The following TYW1B variants were observed in gnomAD, a reference collection of about 807,000 sequenced individuals.
TYW1B encodes tRNA-yW synthesizing protein 1 homolog B.
TYW1B carries 73 observed loss-of-function variants against 86.9 expected under a neutral mutation model. The ratio of observed to expected loss-of-function variants is 0.84; its 90% CI spans 0.70 to 1.02. The LOEUF (loss-of-function observed/expected upper bound fraction) is 1.02, where lower values mean the gene tolerates loss of function less well. Among genes scored for constraint, TYW1B ranks in the 50% least tolerant of loss-of-function variants. The probability of loss-of-function intolerance (pLI) is 0.00; values close to 1 mark genes in which losing one functional copy is unlikely to be tolerated. For synonymous variants in TYW1B, 248 were observed against 292.8 expected, an observed-to-expected ratio of 0.85 and a Z score of 1.56; for missense variants, 637 against 827.4, an observed-to-expected ratio of 0.77 and a Z score of 2.82.
rs1554467165 is a variant in TYW1B at position 72,761,497 on chromosome 7, A to G, written c.964+15919T>C. ...TGGCTCATACGAGGGAGGCTGAGGT[A>G]GAAGGATCACTTGAGGCCAGGAGTT... On this transcript the variant is annotated intron_variant, in intron 7 of 13. Coordinates refer to ENST00000620995, the MANE Select transcript of TYW1B (RefSeq NM_001145440.3). 2.0e-5 allele frequency among the ~76,000 whole-genome samples: 3 copies of G among 152,042 alleles called. No homozygotes were observed. The East Asian group carries it at 5.8e-4, about 29-fold the overall frequency.
intron 10 of TYW1B, among the ~76,000 whole-genome samples, chr7:72,698,662 A>G (rs1270040333): frequency 6.6e-6 from 1 of 150,520 alleles, no homozygotes; most frequent in African/African-American, 2.4e-5. Flanking sequence ...AAAAAAAAAG[A>G]AAGAAAGAAA....
intron 7 of TYW1B, among the ~76,000 whole-genome samples, chr7:72,759,150 G>A (rs141878234): frequency 6.6e-6 from 1 of 152,230 alleles, no homozygotes; most frequent in Non-Finnish European, 1.5e-5. Context: ...GAGCAACATG[G>A]CGAAACCTCG....
intron 13 of TYW1B, among the ~76,000 whole-genome samples, chr7:72,585,588 G>T (rs1811254846): frequency 6.6e-6 from 1 of 152,170 alleles, no homozygotes; most frequent in South Asian, 2.1e-4. Flanking sequence ...CCAGGTGGGA[G>T]GTAATTGAAT....
chr7:72,672,807 C>T (rs1299735479), intron 11 of TYW1B, among the ~76,000 whole-genome samples: 1 of 152,200 alleles, frequency 6.6e-6, no homozygotes, highest in East Asian at 1.9e-4. Context: ...TGTGCATACA[C>T]ATGTGTGTAC....
intron 6 of TYW1B, among the ~76,000 whole-genome samples, chr7:72,793,486 C>T (rs1788254874): frequency 6.6e-6 from 1 of 150,834 alleles, no homozygotes; most frequent in Non-Finnish European, 1.5e-5. Context: ...GTGGCTCACG[C>T]CTGTAATCCC....
In TYW1B at chr7:72,802,386, C is replaced by A. The variant is rs1788416585; in HGVS notation, c.846+14G>T. 4 of 1,613,454 alleles carry A rather than the reference C, an allele frequency of 2.5e-6. No homozygotes were observed. The highest frequency in any genetic ancestry group is 3.4e-6 in the Non-Finnish European group (4 of 1,179,718). Reference sequence around the variant, plus strand: ...TGCGGGAGCCAAGTGCAACATTTCCCAAAGTAATGGTACCTTTTCTTTCTT... The same window carrying A: ...TGCGGGAGCCAAGTGCAACATTTCCAAAAGTAATGGTACCTTTTCTTTCTT... On this transcript the variant is annotated intron_variant, in intron 6 of 13. Transcript: ENST00000620995.
In TYW1B at chr7:72,823,530, G is replaced by A. The variant is rs1436359450; in HGVS notation, c.135+3325C>T. ...AGCTACTCAGGAGGCTGAGGCAGAA[G>A]AATCGCTTGAACCCGGGAAGCAGAG... On this transcript the variant is annotated intron_variant, in intron 2 of 13. Transcript: ENST00000620995. Among the ~76,000 whole-genome samples the A allele has an allele frequency of 7.2e-5, 11 of 151,942 alleles. 1 individual carries two copies. Among genetic ancestry groups the A allele is most frequent in the Admixed American group, 5.2e-4 (8 of 15,252 alleles).
chr7:72,696,911 G>A (rs1443496108), intron 10 of TYW1B, among the ~76,000 whole-genome samples: 4 of 151,950 alleles, frequency 2.6e-5, no homozygotes, highest in Non-Finnish European at 2.9e-5. Context: ...AGCAAAGCAC[G>A]TTAATTACTG....
chr7:72,728,885 G>A lies in TYW1B; in HGVS notation c.1129C>T (p.Gln377Ter). The A allele has an allele frequency of 6.2e-7, 1 of 1,613,954 alleles. No homozygotes were observed. Among genetic ancestry groups the A allele is most frequent in the Non-Finnish European group, 8.5e-7 (1 of 1,179,940 alleles). ...VGTEWLWKMDQPEMILKEAIE... is the reference protein window; with the variant it reads ...VGTEWLWKMD ...GCTTCCTTCAAGATCATTTCAGGCT[G>A]GTCCATCTTCCACAACCATTCAGTG... is the stretch of plus-strand genomic sequence containing the variant. Residue 377 changes from glutamine to a stop codon, truncating the protein, a stop_gained, in exon 9 of 14, where the codon CAG (glutamine) becomes TAG (stop). Coordinates refer to ENST00000620995, the MANE Select transcript of TYW1B (RefSeq NM_001145440.3). LOFTEE classifies it high-confidence loss of function.
At chr7:72,776,141 G>A (rs1213509128) in intron 7 of TYW1B, among the ~76,000 whole-genome samples, 1 of 151,658 alleles carries the variant, frequency 6.6e-6, no homozygotes, top group East Asian at 1.9e-4. Flanking sequence ...AGCAAGACCC[G>A]ACTCAACCAA....
chr7:72,815,482 C>T lies in TYW1B; in HGVS notation c.136-1G>A. 2 of 1,602,292 alleles carry T rather than the reference C, an allele frequency of 1.2e-6. No individual in the cohort carries two copies. Among genetic ancestry groups the T allele is most frequent in the Non-Finnish European group, 1.7e-6 (2 of 1,177,232 alleles). ...CTTCAGCAAGAACTGTTGCAAATCC[C>T]TAATAGGACAAAAAAAAACTTCAAA... On this transcript the variant is annotated splice_acceptor_variant, in intron 2 of 13. Coordinates refer to ENST00000620995, the MANE Select transcript of TYW1B (RefSeq NM_001145440.3). LOFTEE classifies it high-confidence loss of function.
At chr7:72,802,681 C>T (rs1418197876) in intron 5 of TYW1B, among the ~76,000 whole-genome samples, 159 bp from the exon 6 acceptor site, 2 of 151,894 alleles carry the variant, frequency 1.3e-5, no homozygotes, top group African/African-American at 2.4e-5. Flanking sequence ...AGCGCAGTGG[C>T]GTCATCTCGG....
chr7:72,764,058 T>G (rs2129571751), intron 7 of TYW1B, among the ~76,000 whole-genome samples: 1 of 151,430 alleles, frequency 6.6e-6, no homozygotes, highest in East Asian at 1.9e-4. Context: ...TTCAAAAGAT[T>G]ATATGAAATT....
chr7:72,648,191 G>A (rs1379609389), intron 11 of TYW1B, among the ~76,000 whole-genome samples: 1 of 151,854 alleles, frequency 6.6e-6, no homozygotes, highest in Non-Finnish European at 1.5e-5. Flanking sequence ...AGATTGATTG[G>A]GTTTAACAGT....
At chr7:72,645,991 T>C (rs1388413785) in intron 11 of TYW1B, among the ~76,000 whole-genome samples, 2 of 146,338 alleles carry the variant, frequency 1.4e-5, no homozygotes, top group African/African-American at 4.9e-5. Context: ...ATATGTTATA[T>C]GTTATATATA....
At chr7:72,683,207 C>T (rs1363913908) in intron 11 of TYW1B, among the ~76,000 whole-genome samples, 1 of 152,102 alleles carries the variant, frequency 6.6e-6, no homozygotes, top group Non-Finnish European at 1.5e-5. Context: ...GCCAACCTGT[C>T]CCAACGGGGA....
chr7:72,736,098 GGA>G (rs1295336927), intron 8 of TYW1B, among the ~76,000 whole-genome samples: 1 of 152,174 alleles, frequency 6.6e-6, no homozygotes, highest in African/African-American at 2.4e-5. Flanking sequence ...ACTGAACAAA[GGA>G]GACAGGGACA....
intron 13 of TYW1B, among the ~76,000 whole-genome samples, chr7:72,584,419 T>C (rs551658402): frequency 6.7e-6 from 1 of 149,606 alleles, no homozygotes; most frequent in East Asian, 1.9e-4. Flanking sequence ...ACTCCCTTTG[T>C]TTAACTTATC....
At chr7:72,819,259 G>C (rs1480982076) in intron 2 of TYW1B, among the ~76,000 whole-genome samples, 1 of 152,126 alleles carries the variant, frequency 6.6e-6, no homozygotes, top group Non-Finnish European at 1.5e-5. Flanking sequence ...GAATGAAGGG[G>C]TCAGCGCAGG....
Sources: allele counts gnomAD v4.1 joint callset (sites outside exome capture counted in the v4.1 genomes callset), GRCh38; gene constraint gnomAD v4.1.1; transcripts MANE v1.5; gene names NCBI Gene and HGNC (gene_info 2026-07-23, HGNC 2026-07-21).